MARF1: variants seen among roughly 807,000 people sequenced by gnomAD.
MARF1 encodes meiosis regulator and mRNA stability factor 1, also known as limkain-b1.
In MARF1, 24 loss-of-function variants were observed where a neutral mutation model predicts 168.2. The observed-to-expected ratio is 0.14, with a 90% CI of 0.10 to 0.20. The LOEUF (loss-of-function observed/expected upper bound fraction) is 0.20, where lower values mean the gene tolerates loss of function less well. Ranked by LOEUF, MARF1 falls within the 10% of genes least tolerant of loss-of-function variation. The pLI, the probability that MARF1 is intolerant of heterozygous loss-of-function variation, is 1.00. For missense variants in MARF1, 1,744 were observed against 2,143.6 expected, an observed-to-expected ratio of 0.81 and a Z score of 3.68; for synonymous variants, 868 against 822.4, an observed-to-expected ratio of 1.06 and a Z score of -0.95.
chr16:15,607,144 C>T (rs1018904801), intron 21 of MARF1, among the ~76,000 whole-genome samples: 1 of 152,174 alleles, frequency 6.6e-6, no homozygotes, highest in South Asian at 2.1e-4. Context: ...CCTGGTTGTG[C>T]TTCCTGCTCT....
chr16:15,617,212 G>A (rs749430191), intron 14 of MARF1, 41 bp from the exon 15 acceptor site: 4 of 1,612,606 alleles, frequency 2.5e-6, no homozygotes, highest in Non-Finnish European at 3.4e-6. Context: ...ACATTCCGCA[G>A]GGGTCTAAGA....
intron 13 of MARF1, among the ~76,000 whole-genome samples, chr16:15,619,773 A>G (rs1336453522): frequency 2.6e-5 from 4 of 152,140 alleles, no homozygotes; most frequent in Non-Finnish European, 5.9e-5. Flanking sequence ...CTAAGCATCT[A>G]CTATGGGCTG....
Position 15,643,081 on chromosome 16 carries a change from G to T in MARF1, c.-122C>A. ...CGCCGCCTTCCCCCCGCCCCCCCCAGGCCCTTTGTTTTGATTCCCGACTCC... is the reference window on the plus strand; with the variant it reads ...CGCCGCCTTCCCCCCGCCCCCCCCATGCCCTTTGTTTTGATTCCCGACTCC... On this transcript the variant is annotated 5_prime_UTR_variant, in exon 1 of 27. It adds an upstream start codon to the 5' untranslated region. Coordinates refer to ENST00000396368, the MANE Select transcript of MARF1 (RefSeq NM_014647.4). The T allele has an allele frequency of 5.4e-6, 1 of 185,684 alleles. No homozygotes were observed. The highest frequency in any genetic ancestry group is 4.5e-5 in the South Asian group (1 of 22,066). The allele number at this position is 185,684 out of a possible 1,614,324, so 11.5% of individuals were successfully genotyped here.
At chr16:15,604,465 G>T in intron 21 of MARF1, 67 bp from the exon 22 acceptor site, 1 of 1,103,594 alleles carries the variant, frequency 9.1e-7, no homozygotes, top group Non-Finnish European at 1.4e-6. Flanking sequence ...ACCCAACTCA[G>T]CTCACTTCAT....
chr16:15,612,997 C>A (rs1477747862), intron 16 of MARF1, among the ~76,000 whole-genome samples: 10 of 152,166 alleles, frequency 6.6e-5, no homozygotes, highest in Admixed American at 6.6e-4. Flanking sequence ...TCCCACTAAT[C>A]CTCAAAGTTA....
Position 15,611,446 on chromosome 16 carries a change from C to CAAA in MARF1, c.3617+143_3617+145dup, listed in dbSNP as rs995305393. ...TGGGCGACAGAGCGAGACTCCGTCT[C>CAAA]AAAAAAAAAAAAAAAAAAACAAAAA... On this transcript the variant is annotated intron_variant, in intron 18 of 26. Transcript: ENST00000396368. 8.4e-3 allele frequency: 3,518 copies of CAAA among 419,658 alleles called. 3 individuals are homozygous for CAAA. The highest frequency in any genetic ancestry group is 0.02 in the South Asian group (593 of 29,802). 26.0% of individuals were successfully genotyped at this position (419,658 alleles called of 1,614,324 possible).
rs550797773 is a variant in MARF1, at chr16:15,611,461, A to AC, written c.3617+130_3617+131insG. The stretch of plus-strand genomic sequence containing the variant: ...GACTCCGTCTCAAAAAAAAAAAAAA[A>AC]AAAACAAAAAACTACTACAAGTTTT... On this transcript the variant is annotated intron_variant, in intron 18 of 26. Transcript: ENST00000396368. The AC allele has an allele frequency of 2.1e-3, 1,750 of 853,498 alleles. 3 individuals carry two copies. The highest frequency in any genetic ancestry group is 2.7e-3 in the Non-Finnish European group (1,538 of 578,722). The allele number at this position is 853,498 out of a possible 1,614,324, so 52.9% of individuals were successfully genotyped here.
At chr16:15,635,438 TAAAC>T (rs1466218974) in intron 3 of MARF1, 1 of 552,978 alleles carries the variant, frequency 1.8e-6, no homozygotes, top group Non-Finnish European at 3.2e-6. Context: ...TCTAAAAGTA[TAAAC>T]TACAAAAATA....
chr16:15,624,198 C>T (rs989767888), intron 10 of MARF1, among the ~76,000 whole-genome samples: 7 of 152,166 alleles, frequency 4.6e-5, no homozygotes, highest in South Asian at 2.1e-4. Flanking sequence ...GGATTACAGG[C>T]GTGAGCCACC....
At chr16:15,602,787 A>G in intron 22 of MARF1, 1 of 375,272 alleles carries the variant, frequency 2.7e-6, no homozygotes, top group Middle Eastern at 5.3e-4. Context: ...GGGGAGGCAA[A>G]CTGTGTTGGC....
At chr16:15,612,856 C>G in intron 16 of MARF1, 79 bp from the exon 17 acceptor site, 2 of 1,215,158 alleles carry the variant, frequency 1.6e-6, no homozygotes, top group Non-Finnish European at 2.4e-6. Flanking sequence ...CCTGCAGTCC[C>G]TGGCTTGAGT....
chr16:15,607,077 G>T (rs993069519), intron 21 of MARF1, among the ~76,000 whole-genome samples: 11 of 152,130 alleles, frequency 7.2e-5, no homozygotes, highest in Admixed American at 2.6e-4. Context: ...TCTCTGACCA[G>T]CCCTCCTGCG....
Position 15,635,937 on chromosome 16 carries a change from T to C in MARF1, c.550A>G (p.Asn184Asp). 1 of 1,614,138 alleles carries C rather than the reference T, an allele frequency of 6.2e-7. No individual in the cohort carries two copies. Among genetic ancestry groups the C allele is most frequent in the South Asian group, 1.1e-5 (1 of 91,090 alleles). ...SDFPSMCLESNLSSCKHLPCC... is the reference protein window; with the variant it reads ...SDFPSMCLESDLSSCKHLPCC... ...GGCAGGTGTTTGCAGGAAGACAGGTTACTCTCTAGACACATGCTGGGAAAG... is the reference window on the plus strand; with the variant it reads ...GGCAGGTGTTTGCAGGAAGACAGGTCACTCTCTAGACACATGCTGGGAAAG... Residue 184 changes from asparagine (N) to aspartate (D), a missense_variant, in exon 3 of 27, where the codon AAC becomes GAC. Transcript: ENST00000396368.
In MARF1 at chr16:15,624,678, G is replaced by T. The variant is rs1012146847; in HGVS notation, c.2270+91C>A. 6 of 1,241,580 alleles carry T rather than the reference G, an allele frequency of 4.8e-6. No individual in the cohort carries two copies. In the African/African-American group the frequency reaches 7.5e-5, roughly 15 times the overall value. The allele number at this position is 1,241,580 out of a possible 1,614,324, so 76.9% of individuals were successfully genotyped here. On this transcript the variant is annotated intron_variant, in intron 10 of 26. Coordinates refer to ENST00000396368, the MANE Select transcript of MARF1 (RefSeq NM_014647.4). ...TGGGAGACTTACTTTGTGCATTTCAGTACTATCTGAATTCTTTTCAACAAA... is the reference window on the plus strand; with the variant it reads ...TGGGAGACTTACTTTGTGCATTTCATTACTATCTGAATTCTTTTCAACAAA...
At chr16:15,629,041 T>A (rs1282298593) in intron 7 of MARF1, among the ~76,000 whole-genome samples, 2 of 151,728 alleles carry the variant, frequency 1.3e-5, no homozygotes, top group African/African-American at 4.8e-5. Flanking sequence ...ATTTACTTTT[T>A]TTTTTTTTTT....
At position 15,612,756 on chromosome 16, in the gene MARF1, T is replaced by C. The variant is rs2033679531; in HGVS notation, c.3275A>G (p.Lys1092Arg). ...CAGCTGGGGGTTACCTACAGGACTC[T>C]TCGAACGCAGAAGCCAAGGGTCTAG... is the stretch of plus-strand genomic sequence containing the variant. ...PNTDPWLLRS[K>R]SPVGNPQLIQ... is the part of the protein sequence containing the mutation. Residue 1092 changes from lysine to arginine, a missense_variant, in exon 17 of 27, where the codon AAG (lysine) becomes AGG (arginine). This residue lies in a region of MARF1 where 543 missense variants were observed against 742.1 expected (regional missense o/e 0.73). Transcript: ENST00000396368. 3 of 1,614,022 alleles carry C rather than the reference T, an allele frequency of 1.9e-6. No homozygotes were observed. Among genetic ancestry groups the C allele is most frequent in the Admixed American group, 3.3e-5 (2 of 59,996 alleles).
intron 26 of MARF1, 87 bp from the exon 27 acceptor site, chr16:15,597,024 GATA>G (rs2150999382): frequency 3.6e-6 from 5 of 1,400,866 alleles, no homozygotes; most frequent in African/African-American, 1.4e-5. Context: ...TTTCTCAAAA[GATA>G]ATAATAGTAA....
rs773077616 is a variant in MARF1, at chr16:15,604,180, T to C, written c.4401A>G (p.Pro1467=). ...MTLTELLKSL[P]YLVEVFTNDK... is the part of the protein sequence containing the mutation. ...TTAACGTGCCTACCTCAACCAAGTA[T>C]GGCAGGCTCTTCAGCAGTTCGGTCA... is the stretch of plus-strand genomic sequence containing the variant. Residue 1467 remains proline, a synonymous_variant, in exon 22 of 27, where the codon CCA becomes CCG. Coordinates refer to ENST00000396368, the MANE Select transcript of MARF1 (RefSeq NM_014647.4). The C allele has an allele frequency of 4.3e-6, 7 of 1,612,752 alleles. No individual in the cohort carries two copies. Among genetic ancestry groups the C allele is most frequent in the Non-Finnish European group, 4.2e-6 (5 of 1,178,738 alleles).
intron 1 of MARF1, among the ~76,000 whole-genome samples, chr16:15,640,774 C>A (rs901262377): frequency 6.6e-6 from 1 of 152,250 alleles, no homozygotes; most frequent in Non-Finnish European, 1.5e-5. Flanking sequence ...CAGACACACT[C>A]ATTCACTTAA....
Sources: allele counts gnomAD v4.1 joint callset (sites outside exome capture counted in the v4.1 genomes callset), GRCh38; gene constraint gnomAD v4.1.1; regional missense constraint gnomAD v4.1.1; transcripts MANE v1.5; gene names NCBI Gene and HGNC (gene_info 2026-07-23, HGNC 2026-07-21).